Variants in RBFOX1 observed in about 807,000 individuals in gnomAD.
RBFOX1 encodes RNA binding fox-1 homolog 1.
In RBFOX1, 8 loss-of-function variants were observed where a neutral mutation model predicts 57.7. That is an observed-to-expected ratio of 0.14 (90% confidence interval 0.08 to 0.25). RBFOX1 has a LOEUF of 0.25. Ranked by LOEUF, RBFOX1 falls within the 10% of genes least tolerant of loss-of-function variation. The pLI is 1.00. For synonymous variants in RBFOX1, 326 were observed against 222.4 expected, an observed-to-expected ratio of 1.47 and a Z score of -4.15; for missense variants, 611 against 548.5, an observed-to-expected ratio of 1.11 and a Z score of -1.14.
At chr16:5,433,792 T>C (rs2151519423) in intron 1 of RBFOX1, among the ~76,000 whole-genome samples, 1 of 152,290 alleles carries the variant, frequency 6.6e-6, no homozygotes. Context: ...TGTTCACCGC[T>C]GCTTCCCCAG....
At chr16:6,713,500 G>C (rs2064135031) in intron 3 of RBFOX1, among the ~76,000 whole-genome samples, 1 of 152,048 alleles carries the variant, frequency 6.6e-6, no homozygotes, top group Non-Finnish European at 1.5e-5. Context: ...ATGTTGAGGA[G>C]CATCCCTGGC....
At chr16:7,595,015 G>C (rs765675312) in intron 7 of RBFOX1, among the ~76,000 whole-genome samples, 11 of 152,150 alleles carry the variant, frequency 7.2e-5, no homozygotes, top group Non-Finnish European at 1.5e-4. Flanking sequence ...AGAAGTAAAG[G>C]CTGTAGAACT....
intron 14 of RBFOX1, among the ~76,000 whole-genome samples, chr16:7,691,875 C>T (rs927346157): frequency 8.5e-5 from 13 of 152,130 alleles, no homozygotes; most frequent in African/African-American, 2.9e-4. Context: ...TAAATCATGT[C>T]GCCATTCTTG....
intron 3 of RBFOX1, among the ~76,000 whole-genome samples, chr16:5,719,155 C>T (rs73522249): frequency 0.01 from 1,527 of 151,028 alleles, 34 homozygotes; most frequent in African/African-American, 0.035. Context: ...ATAGGCTTAG[C>T]GTATCTACGG....
At chr16:6,478,467 G>T (rs1340610151) in intron 2 of RBFOX1, among the ~76,000 whole-genome samples, 2 of 127,644 alleles carry the variant, frequency 1.6e-5, no homozygotes, top group African/African-American at 3.0e-5. Context: ...GTAGAGACAG[G>T]GTTTCACCAT....
rs549100331 is a variant in RBFOX1, at chr16:6,475,312, G to A, written c.-64+158255G>A. Among the ~76,000 whole-genome samples, 5 of 152,266 alleles carry A rather than the reference G, an allele frequency of 3.3e-5. No homozygotes were observed. In the South Asian group the frequency reaches 1.0e-3, roughly 32 times the overall value. On this transcript the variant is annotated intron_variant, in intron 2 of 15. Coordinates refer to ENST00000550418, the MANE Select transcript of RBFOX1 (RefSeq NM_018723.4). ...TGTGCTTGATTCCTGCCATCTCAAGGATGAGGCTATATGTGCATGCTAAGT... is the reference window on the plus strand; with the variant it reads ...TGTGCTTGATTCCTGCCATCTCAAGAATGAGGCTATATGTGCATGCTAAGT...
At chr16:7,495,836 T>C (rs543721900) in intron 4 of RBFOX1, among the ~76,000 whole-genome samples, 1 of 152,298 alleles carries the variant, frequency 6.6e-6, no homozygotes, top group African/African-American at 2.4e-5. Context: ...CATCACCTGT[T>C]CCCCAAAAAC....
chr16:7,484,968 A>G (rs373399242), intron 4 of RBFOX1, among the ~76,000 whole-genome samples: 1 of 152,216 alleles, frequency 6.6e-6, no homozygotes, highest in Non-Finnish European at 1.5e-5. Flanking sequence ...TATTGAGGAA[A>G]GAGATACTGT....
At chr16:7,626,865 G>T (rs530950609) in intron 10 of RBFOX1, among the ~76,000 whole-genome samples, 18 of 152,270 alleles carry the variant, frequency 1.2e-4, no homozygotes, top group African/African-American at 3.9e-4. Context: ...ATCCTTCTGA[G>T]GATCAGGTAT....
At chr16:7,357,057 T>G (rs994844957) in intron 4 of RBFOX1, among the ~76,000 whole-genome samples, 2 of 152,158 alleles carry the variant, frequency 1.3e-5, no homozygotes, top group Non-Finnish European at 2.9e-5. Flanking sequence ...CTATCTGCCT[T>G]GGAACATTCT....
At chr16:7,021,528 T>G (rs1323737178) in intron 3 of RBFOX1, among the ~76,000 whole-genome samples, 1 of 145,852 alleles carries the variant, frequency 6.9e-6, no homozygotes, top group African/African-American at 2.5e-5. Flanking sequence ...ATAAAATTTA[T>G]AAAATTTTAT....
chr16:7,701,608 G>A (rs117357438), intron 14 of RBFOX1, among the ~76,000 whole-genome samples: 1 of 152,160 alleles, frequency 6.6e-6, no homozygotes, highest in South Asian at 2.1e-4. Flanking sequence ...TCTCCTCTAG[G>A]TGTTTAGGGA....
rs35434610 is a variant in RBFOX1, at chr16:7,587,215, C to T, written c.415-32C>T. The T allele has an allele frequency of 2.9e-3, 4,303 of 1,498,562 alleles. 116 individuals carry two copies. In the African/African-American group the frequency reaches 0.051, roughly 18 times the overall value. 92.8% of individuals were successfully genotyped at this position (1,498,562 alleles called of 1,614,324 possible). On this transcript the variant is annotated intron_variant, in intron 6 of 15. Coordinates refer to ENST00000550418, the MANE Select transcript of RBFOX1 (RefSeq NM_018723.4). Reference sequence around the variant, plus strand: ...TAGTAATGTCTACTGCATTTCTCTTCTTGCTTATAAGATATTTCTATTTCT... The same window carrying T: ...TAGTAATGTCTACTGCATTTCTCTTTTTGCTTATAAGATATTTCTATTTCT...
At chr16:6,879,972 C>A (rs1464670917) in intron 3 of RBFOX1, among the ~76,000 whole-genome samples, 1 of 152,144 alleles carries the variant, frequency 6.6e-6, no homozygotes, top group Non-Finnish European at 1.5e-5. Context: ...ATTTCTACTT[C>A]TTTATTTGTT....
chr16:5,755,615 T>G (rs143792129), intron 3 of RBFOX1, among the ~76,000 whole-genome samples: 101 of 152,338 alleles, frequency 6.6e-4, no homozygotes, highest in African/African-American at 2.1e-3. Context: ...TATTTTTTCT[T>G]GAGACAGTGT....
intron 1 of RBFOX1, among the ~76,000 whole-genome samples, chr16:6,316,033 A>G (rs1464755608): frequency 6.6e-6 from 1 of 152,202 alleles, no homozygotes; most frequent in Non-Finnish European, 1.5e-5. Context: ...AATCTTGTGA[A>G]CTTTGTTGAG....
intron 1 of RBFOX1, among the ~76,000 whole-genome samples, chr16:6,274,915 G>T (rs765934099): frequency 6.6e-6 from 1 of 152,188 alleles, no homozygotes. Context: ...GAAGGAACCA[G>T]TTCTGTCTAG....
At chr16:6,614,107 A>G (rs2098110891) in intron 2 of RBFOX1, among the ~76,000 whole-genome samples, 1 of 152,186 alleles carries the variant, frequency 6.6e-6, no homozygotes, top group Non-Finnish European at 1.5e-5. Context: ...CGAATAGGTA[A>G]TATTTTTGGA....
chr16:6,581,199 G>C (rs534979897), intron 2 of RBFOX1, among the ~76,000 whole-genome samples: 6 of 152,236 alleles, frequency 3.9e-5, no homozygotes, highest in African/African-American at 1.4e-4. Context: ...GCATCTTCAA[G>C]TAGGATTTCT....
Sources: allele counts gnomAD v4.1 joint callset (sites outside exome capture counted in the v4.1 genomes callset), GRCh38; gene constraint gnomAD v4.1.1; transcripts MANE v1.5; gene names NCBI Gene and HGNC (gene_info 2026-07-23, HGNC 2026-07-21).